CASR: variants seen among roughly 807,000 people sequenced by gnomAD.
The protein encoded by CASR is calcium sensing receptor, also known as extracellular calcium-sensing receptor.
In CASR, 23 loss-of-function variants were observed where a neutral mutation model predicts 69.1. That is an observed-to-expected ratio of 0.33 (90% CI 0.24 to 0.47). CASR has a LOEUF of 0.47. Among genes scored for constraint, CASR ranks in the 20% least tolerant of loss-of-function variants. The pLI is 1.00. For synonymous variants in CASR, 541 were observed against 544.7 expected (o/e 0.99, Z 0.10); for missense variants, 924 against 1,356.1 (o/e 0.68, Z 5.00).
chr3:122,187,785 A>G (rs1236411257), intron 1 of CASR, among the ~76,000 whole-genome samples: 2 of 152,196 alleles, frequency 1.3e-5, no homozygotes, highest in Non-Finnish European at 2.9e-5. Flanking sequence ...ACATCATGTC[A>G]AGTTCTAGGA....
chr3:122,231,069 C>A, intron 1 of CASR, among the ~76,000 whole-genome samples: 1 of 152,182 alleles, frequency 6.6e-6, no homozygotes, highest in East Asian at 1.9e-4. Context: ...CATCATCCAC[C>A]TGCAGTCACT....
chr3:122,270,354 C>G (rs1250469142), intron 4 of CASR, among the ~76,000 whole-genome samples: 1 of 152,184 alleles, frequency 6.6e-6, no homozygotes, highest in Non-Finnish European at 1.5e-5. Flanking sequence ...GTTGTCACTT[C>G]TCGAATTTAT....
intron 1 of CASR, among the ~76,000 whole-genome samples, chr3:122,204,128 T>G (rs956575167): frequency 1.7e-4 from 26 of 152,308 alleles, no homozygotes; most frequent in African/African-American, 5.8e-4. Context: ...TCTAGCTATT[T>G]TGAAATATAC....
At chr3:122,201,793 A>C (rs1426814235) in intron 1 of CASR, among the ~76,000 whole-genome samples, 1 of 151,216 alleles carries the variant, frequency 6.6e-6, no homozygotes, top group Non-Finnish European at 1.5e-5. Context: ...GCAGCGGGGC[A>C]GAGGTGCTCC....
intron 1 of CASR, among the ~76,000 whole-genome samples, chr3:122,251,376 C>G (rs1039444820): frequency 6.6e-6 from 1 of 152,164 alleles, no homozygotes; most frequent in Admixed American, 6.5e-5. Context: ...CCTTCAAAAG[C>G]CTTGCAAATT....
At position 122,261,665 on chromosome 3, in the gene CASR, C is replaced by G. The variant is rs1340558108; in HGVS notation, c.630C>G (p.Gly210=). Residue 210 remains glycine, a synonymous_variant, in exon 4 of 7, where the codon GGC becomes GGG. Transcript: ENST00000639785. ...IIEYFRWNWV[G]TIAADDDYGR... ...AGTATTTCCGCTGGAACTGGGTGGG[C>G]ACAATTGCAGCTGATGACGACTATG... 21 of 1,614,200 alleles carry G rather than the reference C, an allele frequency of 1.3e-5. No homozygotes were observed. The highest frequency in any genetic ancestry group is 1.7e-5 in the Non-Finnish European group (20 of 1,180,040).
intron 1 of CASR, among the ~76,000 whole-genome samples, chr3:122,210,757 A>C (rs899299279): frequency 6.6e-6 from 1 of 152,000 alleles, no homozygotes; most frequent in Non-Finnish European, 1.5e-5. Flanking sequence ...TATGGAGCCA[A>C]AAAAAAGAGC....
intron 1 of CASR, among the ~76,000 whole-genome samples, chr3:122,208,018 A>C (rs1449306989): frequency 6.6e-6 from 1 of 152,176 alleles, no homozygotes; most frequent in Non-Finnish European, 1.5e-5. Context: ...TGTTATTATT[A>C]TAGCAAAAGT....
At chr3:122,231,663 T>TCA (rs2074279451) in intron 1 of CASR, among the ~76,000 whole-genome samples, 1 of 151,788 alleles carries the variant, frequency 6.6e-6, no homozygotes, top group African/African-American at 2.4e-5. Flanking sequence ...ACATCTGAAT[T>TCA]GGAAGAAATT....
chr3:122,283,074 G>T (rs2074912405), intron 6 of CASR, among the ~76,000 whole-genome samples: 1 of 152,202 alleles, frequency 6.6e-6, no homozygotes. Flanking sequence ...TGTGGAGTGA[G>T]GAAAGCACAG....
At chr3:122,227,311 G>T (rs934594773) in intron 1 of CASR, among the ~76,000 whole-genome samples, 3 of 152,244 alleles carry the variant, frequency 2.0e-5, no homozygotes, top group African/African-American at 7.2e-5. Flanking sequence ...CCATGGTGGG[G>T]GGTTGGGGTG....
chr3:122,221,823 T>G (rs1423028702), intron 1 of CASR, among the ~76,000 whole-genome samples: 5 of 152,238 alleles, frequency 3.3e-5, no homozygotes, highest in Admixed American at 2.6e-4. Context: ...CGATAGTATC[T>G]GTGGCAATTA....
chr3:122,201,507 G>T (rs2073950764), intron 1 of CASR, among the ~76,000 whole-genome samples: 1 of 152,216 alleles, frequency 6.6e-6, no homozygotes, highest in South Asian at 2.1e-4. Flanking sequence ...CTCTCAATGA[G>T]CTGTTGGGTA....
At chr3:122,237,225 T>C (rs1002963229) in intron 1 of CASR, among the ~76,000 whole-genome samples, 3 of 151,472 alleles carry the variant, frequency 2.0e-5, no homozygotes, top group Admixed American at 6.6e-5. Flanking sequence ...TTCTTCTGCC[T>C]CAGCCTCCCA....
chr3:122,248,265 A>G (rs2074447131), intron 1 of CASR, among the ~76,000 whole-genome samples: 1 of 152,260 alleles, frequency 6.6e-6, no homozygotes, highest in Non-Finnish European at 1.5e-5. Context: ...ATTCTTTGGC[A>G]AATGTGCACC....
In CASR at chr3:122,284,170, G is replaced by A. The variant is rs375468610; in HGVS notation, c.2216G>A (p.Cys739Tyr). ...FLCTFMQIVI[C>Y]VIWLYTAPPS... ...TGCACCTTCATGCAGATTGTCATCT[G>A]TGTGATCTGGCTCTACACCGCGCCC... is the stretch of plus-strand genomic sequence containing the variant. Residue 739 changes from cysteine (C) to tyrosine (Y), a missense_variant, in exon 7 of 7, where the codon TGT becomes TAT. Transcript: ENST00000639785. The A allele has an allele frequency of 4.4e-5, 71 of 1,613,504 alleles. No individual in the cohort carries two copies. The highest frequency in any genetic ancestry group is 5.7e-5 in the Non-Finnish European group (67 of 1,179,686).
At chr3:122,270,969 G>T (rs1442115596) in intron 4 of CASR, among the ~76,000 whole-genome samples, 1 of 152,144 alleles carries the variant, frequency 6.6e-6, no homozygotes, top group Non-Finnish European at 1.5e-5. Context: ...ATATTCTGTT[G>T]TTGGGATGAC....
chr3:122,216,181 G>T (rs1204590332), intron 1 of CASR, among the ~76,000 whole-genome samples: 2 of 152,208 alleles, frequency 1.3e-5, no homozygotes, highest in Admixed American at 1.3e-4. Context: ...CAGACAGTCA[G>T]TTCACAGACA....
intron 1 of CASR, among the ~76,000 whole-genome samples, chr3:122,238,664 C>T (rs2074352600): frequency 6.6e-6 from 1 of 152,160 alleles, no homozygotes; most frequent in Admixed American, 6.5e-5. Flanking sequence ...ACTAAAGTGA[C>T]TCCTTCCTTC....
Sources: allele counts gnomAD v4.1 joint callset (sites outside exome capture counted in the v4.1 genomes callset), GRCh38; gene constraint gnomAD v4.1.1; transcripts MANE v1.5; gene names NCBI Gene and HGNC (gene_info 2026-07-23, HGNC 2026-07-21).